The following CHCHD3 variants were observed in gnomAD, a reference collection of about 807,000 sequenced individuals.
The protein encoded by CHCHD3 is coiled-coil-helix-coiled-coil-helix domain containing 3.
A neutral mutation model predicts 38.2 loss-of-function variants in CHCHD3; 20 were observed. That is an observed-to-expected ratio of 0.52 (90% CI 0.37 to 0.76). The LOEUF is 0.76. Among genes scored for constraint, CHCHD3 ranks in the 30% least tolerant of loss-of-function variants. The pLI is 0.00. For missense variants in CHCHD3, 245 were observed against 279.2 expected, an observed-to-expected ratio of 0.88 and a Z score of 0.87; for synonymous variants, 82 against 100.0, an observed-to-expected ratio of 0.82 and a Z score of 1.07.
intron 5 of CHCHD3, among the ~76,000 whole-genome samples, chr7:132,877,381 A>T (rs2117160698): frequency 6.6e-6 from 1 of 152,296 alleles, no homozygotes; most frequent in East Asian, 1.9e-4. Context: ...GGGAAAAAAA[A>T]TATCTTGCTT....
At chr7:132,827,878 T>C (rs1006450417) in intron 6 of CHCHD3, among the ~76,000 whole-genome samples, 2 of 152,214 alleles carry the variant, frequency 1.3e-5, no homozygotes, top group African/African-American at 2.4e-5. Flanking sequence ...TGCTGAATAG[T>C]GTTCTACTGT....
chr7:133,079,544 G>C (rs1395236424), intron 1 of CHCHD3, among the ~76,000 whole-genome samples: 1 of 152,188 alleles, frequency 6.6e-6, no homozygotes, highest in South Asian at 2.1e-4. Context: ...CAATGTGCCA[G>C]GTGCTTTACA....
chr7:133,045,645 C>T (rs1393721896), intron 2 of CHCHD3, among the ~76,000 whole-genome samples: 1 of 152,092 alleles, frequency 6.6e-6, no homozygotes, highest in Non-Finnish European at 1.5e-5. Flanking sequence ...TTAATTTTTA[C>T]CCTCCAGGAT....
intron 6 of CHCHD3, among the ~76,000 whole-genome samples, chr7:132,801,836 A>T (rs1165868993): frequency 6.6e-6 from 1 of 152,240 alleles, no homozygotes; most frequent in East Asian, 1.9e-4. Flanking sequence ...TTTTAATTTT[A>T]ATCCACTGTT....
chr7:133,074,996 G>T (rs74794800), intron 1 of CHCHD3, among the ~76,000 whole-genome samples: 1 of 152,142 alleles, frequency 6.6e-6, no homozygotes, highest in Admixed American at 6.5e-5. Context: ...CTCGTTCTCT[G>T]TAAGGTGCAT....
intron 6 of CHCHD3, among the ~76,000 whole-genome samples, chr7:132,822,540 G>T (rs1042597003): frequency 6.6e-6 from 1 of 151,460 alleles, no homozygotes; most frequent in Non-Finnish European, 1.5e-5. Context: ...AAAAGAAACT[G>T]ACCTGTATAG....
chr7:133,025,712 G>C (rs1813317610), intron 2 of CHCHD3, among the ~76,000 whole-genome samples: 1 of 152,260 alleles, frequency 6.6e-6, no homozygotes, highest in South Asian at 2.1e-4. Context: ...CATCATGTTA[G>C]CCAGGATGGT....
chr7:132,930,899 ACC>A (rs1810497214), intron 4 of CHCHD3, among the ~76,000 whole-genome samples: 3 of 151,680 alleles, frequency 2.0e-5, no homozygotes, highest in Admixed American at 6.6e-5. Flanking sequence ...CTCCTCATTC[ACC>A]CCTATGGCCC....
At chr7:132,853,817 T>C (rs533475171) in intron 5 of CHCHD3, among the ~76,000 whole-genome samples, 2 of 152,284 alleles carry the variant, frequency 1.3e-5, no homozygotes, top group South Asian at 2.1e-4. Flanking sequence ...AATTGTATTA[T>C]ATTCTAAGCT....
intron 2 of CHCHD3, among the ~76,000 whole-genome samples, chr7:133,049,141 TAC>T (rs1270986384): frequency 6.6e-6 from 1 of 152,180 alleles, no homozygotes; most frequent in African/African-American, 2.4e-5. Context: ...AACACGCACA[TAC>T]ACACACAAAT....
intron 4 of CHCHD3, among the ~76,000 whole-genome samples, chr7:132,939,205 A>T (rs1045312342): frequency 7.2e-5 from 11 of 152,128 alleles, no homozygotes; most frequent in African/African-American, 2.7e-4. Context: ...ATAATATTTA[A>T]AATAAGCTTA....
chr7:133,040,172 A>G (rs1454149826), intron 2 of CHCHD3, among the ~76,000 whole-genome samples: 2 of 152,170 alleles, frequency 1.3e-5, no homozygotes, highest in Non-Finnish European at 2.9e-5. Flanking sequence ...GCTAAAAATC[A>G]GCTATGTTGG....
chr7:133,015,917 T>G (rs181679375), intron 3 of CHCHD3, among the ~76,000 whole-genome samples: 2 of 135,044 alleles, frequency 1.5e-5, no homozygotes, highest in Admixed American at 1.6e-4. Flanking sequence ...TAGGCACATC[T>G]TTTATGGCCA....
chr7:132,892,931 G>T (rs1243993427), intron 4 of CHCHD3, among the ~76,000 whole-genome samples: 1 of 152,226 alleles, frequency 6.6e-6, no homozygotes, highest in Non-Finnish European at 1.5e-5. Context: ...CTGCTGCAGG[G>T]GCAAAGCCCT....
At chr7:133,000,969 G>A (rs150889859) in intron 3 of CHCHD3, among the ~76,000 whole-genome samples, 1 of 152,244 alleles carries the variant, frequency 6.6e-6, no homozygotes, top group East Asian at 1.9e-4. Flanking sequence ...AAACTTCAAA[G>A]CAATACAGAG....
At chr7:132,892,811 T>C (rs1280274329) in intron 4 of CHCHD3, among the ~76,000 whole-genome samples, 2 of 152,220 alleles carry the variant, frequency 1.3e-5, no homozygotes, top group Non-Finnish European at 2.9e-5. Context: ...CTTAGCAGCT[T>C]TCATGTGATG....
At chr7:132,890,304 A>G (rs572171931) in intron 4 of CHCHD3, among the ~76,000 whole-genome samples, 1 of 152,346 alleles carries the variant, frequency 6.6e-6, no homozygotes, top group South Asian at 2.1e-4. Context: ...GGGCTTTACA[A>G]CAAAGGCTAT....
intron 4 of CHCHD3, among the ~76,000 whole-genome samples, chr7:132,912,507 G>A (rs878949601): frequency 1.3e-5 from 2 of 152,130 alleles, no homozygotes; most frequent in Non-Finnish European, 1.5e-5. Context: ...GTGATATTGG[G>A]CAAGTTACTT....
intron 3 of CHCHD3, among the ~76,000 whole-genome samples, chr7:132,987,554 G>A (rs557248754): frequency 2.8e-4 from 42 of 152,264 alleles, no homozygotes; most frequent in African/African-American, 8.7e-4. Flanking sequence ...GAGTGCCTTC[G>A]AAACAGCGCC....
Sources: allele counts gnomAD v4.1 joint callset (sites outside exome capture counted in the v4.1 genomes callset), GRCh38; gene constraint gnomAD v4.1.1; transcripts MANE v1.5; gene names NCBI Gene and HGNC (gene_info 2026-07-23, HGNC 2026-07-21).